The following ASF1A variants were observed in gnomAD, a reference collection of about 807,000 sequenced individuals.
ASF1A encodes anti-silencing function 1A histone chaperone.
ASF1A carries 5 observed loss-of-function variants against 22.0 expected under a neutral mutation model. The ratio of observed to expected loss-of-function variants is 0.23; its 90% CI spans 0.12 to 0.48. The LOEUF (loss-of-function observed/expected upper bound fraction) is 0.48. Among genes scored for constraint, ASF1A ranks in the 20% least tolerant of loss-of-function variants. ASF1A has a pLI of 0.99. For missense variants in ASF1A, 137 were observed against 240.6 expected (o/e 0.57, Z 2.85); for synonymous variants, 97 against 86.7 (o/e 1.12, Z -0.66).
intron 2 of ASF1A, among the ~76,000 whole-genome samples, chr6:118,905,100 T>C (rs944188877): frequency 6.6e-6 from 1 of 152,204 alleles, no homozygotes; most frequent in African/African-American, 2.4e-5. Context: ...CCTCCCAAAG[T>C]GCTGGGATTA....
In ASF1A at chr6:118,907,268, C is replaced by T. The variant is rs1385564823; in HGVS notation, c.403-134C>T. ...TATTAGTTATATTTAAGGTACTTAA[C>T]TTGAATTATACCTTTGTATATGAAC... On this transcript the variant is annotated intron_variant, in intron 3 of 3. Coordinates refer to ENST00000229595, the MANE Select transcript of ASF1A (RefSeq NM_014034.3). 4.8e-6 allele frequency: 3 copies of T among 628,660 alleles called. No individual in the cohort carries two copies. The East Asian group carries it at 8.3e-5, about 17-fold the overall frequency. 38.9% of individuals were successfully genotyped at this position (628,660 alleles called of 1,614,324 possible). A position where few individuals can be genotyped will look rare whatever the true frequency, so the allele number is the denominator to read the frequency against.
At chr6:118,897,418 T>C (rs776663356) in intron 1 of ASF1A, among the ~76,000 whole-genome samples, 13 of 152,102 alleles carry the variant, frequency 8.5e-5, no homozygotes, top group Admixed American at 2.0e-4. Context: ...CAAGTTTTGA[T>C]TGACCATCCT....
intron 2 of ASF1A, among the ~76,000 whole-genome samples, chr6:118,903,032 T>C (rs1779910061): frequency 6.6e-6 from 1 of 152,246 alleles, no homozygotes; most frequent in Non-Finnish European, 1.5e-5. Flanking sequence ...CCTGTAAGCT[T>C]CTCTACTTAA....
chr6:118,900,120 G>A (rs1779705513), intron 1 of ASF1A, among the ~76,000 whole-genome samples: 1 of 152,210 alleles, frequency 6.6e-6, no homozygotes, highest in African/African-American at 2.4e-5. Context: ...ATCACGTGGT[G>A]TAAAGATCTT....
At chr6:118,899,567 T>C (rs1779666495) in intron 1 of ASF1A, among the ~76,000 whole-genome samples, 1 of 152,218 alleles carries the variant, frequency 6.6e-6, no homozygotes, top group Admixed American at 6.5e-5. Context: ...TGCTGGAAGC[T>C]GGAAATAGAA....
At chr6:118,900,000 A>G (rs1288273651) in intron 1 of ASF1A, among the ~76,000 whole-genome samples, 2 of 152,262 alleles carry the variant, frequency 1.3e-5, no homozygotes, top group Admixed American at 1.3e-4. Context: ...CACAGAACAC[A>G]TTGTAAAACA....
intron 2 of ASF1A, among the ~76,000 whole-genome samples, chr6:118,903,249 T>G (rs1367316641): frequency 1.3e-5 from 2 of 152,162 alleles, no homozygotes; most frequent in African/African-American, 4.8e-5. Context: ...TTAGAATCCG[T>G]TTGGGTACAC....
chr6:118,898,192 A>G (rs1779565671), intron 1 of ASF1A, among the ~76,000 whole-genome samples: 1 of 152,232 alleles, frequency 6.6e-6, no homozygotes, highest in Non-Finnish European at 1.5e-5. Context: ...AGTTATTTGC[A>G]TAATGGGGAT....
chr6:118,906,514 A>G (rs1399991795), intron 3 of ASF1A, among the ~76,000 whole-genome samples: 1 of 152,186 alleles, frequency 6.6e-6, no homozygotes, highest in Non-Finnish European at 1.5e-5. Flanking sequence ...TTCAATGATG[A>G]TATTTTTGTG....
At chr6:118,896,832 T>C (rs974377375) in intron 1 of ASF1A, among the ~76,000 whole-genome samples, 3 of 110,020 alleles carry the variant, frequency 2.7e-5, no homozygotes, top group Non-Finnish European at 4.0e-5. Flanking sequence ...AATTAAACTA[T>C]AGAATTTTTT....
At chr6:118,895,289 G>A (rs1779311586) in intron 1 of ASF1A, among the ~76,000 whole-genome samples, 1 of 152,094 alleles carries the variant, frequency 6.6e-6, no homozygotes, top group African/African-American at 2.4e-5. Context: ...CGGGATGCTG[G>A]CGCGCAGGCT....
rs759644503 is a variant in ASF1A at position 118,907,396 on chromosome 6, C to T, written c.403-6C>T. 10 of 1,570,320 alleles carry T rather than the reference C, an allele frequency of 6.4e-6. No individual in the cohort carries two copies. The African/African-American group carries it at 1.1e-4, about 17-fold the overall frequency. On this transcript the variant is annotated splice_polypyrimidine_tract_variant and splice_region_variant and intron_variant, in intron 3 of 3. Coordinates refer to ENST00000229595, the MANE Select transcript of ASF1A (RefSeq NM_014034.3). The stretch of plus-strand genomic sequence containing the variant: ...TTACCATTTGTATGTTTCCTTTTTC[C>T]TCTAGCTTCAAAGGAATATTTTGGC...
At chr6:118,901,397 T>C (rs1179516585) in intron 2 of ASF1A, among the ~76,000 whole-genome samples, 1 of 152,210 alleles carries the variant, frequency 6.6e-6, no homozygotes, top group Non-Finnish European at 1.5e-5. Flanking sequence ...TAGAGATGTG[T>C]GGTCTTGGGT....
intron 1 of ASF1A, among the ~76,000 whole-genome samples, chr6:118,896,932 G>A (rs6938025): frequency 0.039 from 5,871 of 152,046 alleles, 249 homozygotes; most frequent in African/African-American, 0.11. Context: ...CCTCAACCTG[G>A]GCTTAAGCAA....
rs1321579498 is a variant in ASF1A at position 118,909,086 on chromosome 6, T to C, written c.*1472T>C. On this transcript the variant is annotated 3_prime_UTR_variant, in exon 4 of 4. Transcript: ENST00000229595. ...AATACTTCTGACTGTTAAAACTATA[T>C]AAAGAAAATCTCATTTGTCTAATTG... 2 of 152,186 alleles carry C rather than the reference T, an allele frequency of 1.3e-5. No homozygotes were observed. Among genetic ancestry groups the C allele is most frequent in the Non-Finnish European group, 2.9e-5 (2 of 68,006 alleles). The allele number at this position is 152,186 out of a possible 1,614,324, so 9.4% of individuals were successfully genotyped here. A position where few individuals can be genotyped will look rare whatever the true frequency, so the allele number is the denominator to read the frequency against.
At chr6:118,898,425 ATTT>A (rs34394511) in intron 1 of ASF1A, among the ~76,000 whole-genome samples, 10 of 140,490 alleles carry the variant, frequency 7.1e-5, no homozygotes, top group Non-Finnish European at 9.3e-5. Flanking sequence ...TTATGTAATA[ATTT>A]TTTTTTTTTT....
Position 118,907,704 on chromosome 6 carries a change from A to G in ASF1A, c.*90A>G. ...TCCGTAAGTACATAGTCAAAACACA[A>G]TGTGAAGAATTTGTTTAAAAACATC... On this transcript the variant is annotated 3_prime_UTR_variant, in exon 4 of 4. Transcript: ENST00000229595. 1.0e-6 allele frequency: 1 copy of G among 970,746 alleles called. No individual in the cohort carries two copies. Among genetic ancestry groups the G allele is most frequent in the Non-Finnish European group, 1.5e-6 (1 of 649,356 alleles). 60.1% of individuals were successfully genotyped at this position (970,746 alleles called of 1,614,324 possible). A position where few individuals can be genotyped will look rare whatever the true frequency, so the allele number is the denominator to read the frequency against.
intron 1 of ASF1A, among the ~76,000 whole-genome samples, chr6:118,900,096 G>T (rs1779703280): frequency 6.6e-6 from 1 of 152,148 alleles, no homozygotes; most frequent in Non-Finnish European, 1.5e-5. Context: ...TCTCCACTGT[G>T]TATACTCTAT....
In ASF1A at chr6:118,907,957, T is replaced by G. The variant is rs1780285726; in HGVS notation, c.*343T>G. 5.7e-6 allele frequency: 1 copy of G among 174,972 alleles called. No individual in the cohort carries two copies. The highest frequency in any genetic ancestry group is 1.2e-5 in the Non-Finnish European group (1 of 82,212). 10.8% of individuals were successfully genotyped at this position (174,972 alleles called of 1,614,324 possible). ...GATGTCTTGGCCTCCCAGACAGTCT[T>G]TGGACCACTATTTTACTGGCCTTTG... is the stretch of plus-strand genomic sequence containing the variant. On this transcript the variant is annotated 3_prime_UTR_variant, in exon 4 of 4. Coordinates refer to ENST00000229595, the MANE Select transcript of ASF1A (RefSeq NM_014034.3).
Sources: gnomAD v4.1 joint callset for allele counts (sites outside exome capture counted in the v4.1 genomes callset) on GRCh38, gnomAD v4.1.1 for gene constraint, MANE v1.5 for transcripts, NCBI Gene and HGNC (gene_info 2026-07-23, HGNC 2026-07-21) for gene names.